The following ERC1 variants were observed in gnomAD, a reference collection of about 807,000 sequenced individuals.
ERC1 encodes the protein RAB6 interacting protein 2.
ERC1 carries 56 observed loss-of-function variants against 132.0 expected under a neutral mutation model. The ratio of observed to expected loss-of-function variants is 0.42; its 90% CI spans 0.34 to 0.53. ERC1 has a LOEUF of 0.53. ERC1 is among the 20% of genes least tolerant of loss of function. The pLI is 0.03. For synonymous variants in ERC1, 478 were observed against 476.1 expected, an observed-to-expected ratio of 1.00 and a Z score of -0.05; for missense variants, 1,202 against 1,349.9, an observed-to-expected ratio of 0.89 and a Z score of 1.72.
chr12:1,223,331 C>T (rs1402443474), intron 12 of ERC1, among the ~76,000 whole-genome samples: 1 of 152,168 alleles, frequency 6.6e-6, no homozygotes, highest in Non-Finnish European at 1.5e-5. Context: ...CTTAGAGCAG[C>T]AATAACAAAG....
At chr12:1,045,662 C>A (rs1367827378) in intron 2 of ERC1, among the ~76,000 whole-genome samples, 9 of 152,082 alleles carry the variant, frequency 5.9e-5, no homozygotes, top group African/African-American at 9.7e-5. Context: ...AGATATTGGT[C>A]CGTCTGGCTA....
At chr12:1,050,758 C>T (rs972322180) in intron 2 of ERC1, among the ~76,000 whole-genome samples, 11 of 152,120 alleles carry the variant, frequency 7.2e-5, no homozygotes, top group Non-Finnish European at 1.2e-4. Context: ...TCAGGCCGAG[C>T]ACTTTGGGAG....
chr12:1,042,107 C>T (rs533960754), intron 2 of ERC1, among the ~76,000 whole-genome samples: 1 of 151,962 alleles, frequency 6.6e-6, no homozygotes, highest in African/African-American at 2.4e-5. Flanking sequence ...GTGTGATCTC[C>T]GCTCATTGCA....
Position 1,194,428 on chromosome 12 carries a change from G to A in ERC1, c.2351+4376G>A, listed in dbSNP as rs192394836. ...AGAGCGAGACTCTGTCTCAAAAAAT[G>A]AATAAAATAAAATAAAATAAATTAA... On this transcript the variant is annotated intron_variant, in intron 12 of 18. Coordinates refer to ENST00000360905, the MANE Select transcript of ERC1 (RefSeq NM_178040.4). Among the ~76,000 whole-genome samples the A allele has an allele frequency of 2.6e-5, 4 of 151,914 alleles. No homozygotes were observed. The East Asian group carries it at 7.8e-4, about 29-fold the overall frequency.
chr12:1,049,747 C>CTTT (rs35361881), intron 2 of ERC1, among the ~76,000 whole-genome samples: 15 of 112,990 alleles, frequency 1.3e-4, no homozygotes, highest in South Asian at 3.0e-4. Flanking sequence ...GTTTTGTGAT[C>CTTT]TTTTTTTTTT....
rs147630395 is a variant in ERC1, at chr12:1,434,171, G to A, written c.3025-10391G>A. Among the ~76,000 whole-genome samples, 251 of 152,024 alleles carry A rather than the reference G, an allele frequency of 1.7e-3. 2 individuals carry two copies. The highest frequency in any genetic ancestry group is 5.7e-3 in the African/African-American group (237 of 41,440). On this transcript the variant is annotated intron_variant, in intron 17 of 18. Coordinates refer to ENST00000360905, the MANE Select transcript of ERC1 (RefSeq NM_178040.4). ...TCTGTTTCTTATTTTCTAAACACCC[G>A]TAATATATTAGATTCTCTGATTATA...
intron 18 of ERC1, among the ~76,000 whole-genome samples, chr12:1,481,252 TTGTG>T (rs150804230): frequency 0.021 from 3,128 of 152,286 alleles, 109 homozygotes; most frequent in African/African-American, 0.07. Flanking sequence ...TATAAGGAGG[TTGTG>T]AATAATCCAT....
At chr12:1,158,134 C>T (rs1022457440) in intron 8 of ERC1, among the ~76,000 whole-genome samples, 2 of 152,134 alleles carry the variant, frequency 1.3e-5, no homozygotes, top group African/African-American at 2.4e-5. Flanking sequence ...TATTTTAAAA[C>T]TTTCTGTGTC....
intron 16 of ERC1, among the ~76,000 whole-genome samples, chr12:1,374,713 A>G (rs2087665109): frequency 6.6e-6 from 1 of 151,920 alleles, no homozygotes; most frequent in African/African-American, 2.4e-5. Context: ...TCACCTCCAG[A>G]ATTTTACAAC....
At chr12:997,981 C>CGTCA (rs1361713238) in intron 1 of ERC1, among the ~76,000 whole-genome samples, 7 of 152,164 alleles carry the variant, frequency 4.6e-5, no homozygotes, top group Non-Finnish European at 8.8e-5. Context: ...ACCCTATTGG[C>CGTCA]TTGTTATCAT....
chr12:1,370,956 A>G (rs530166328), intron 15 of ERC1, among the ~76,000 whole-genome samples: 2 of 152,198 alleles, frequency 1.3e-5, no homozygotes, highest in Non-Finnish European at 2.9e-5. Flanking sequence ...CAAGTGATCC[A>G]CCCACCTCAG....
intron 15 of ERC1, among the ~76,000 whole-genome samples, chr12:1,305,180 G>A: frequency 6.6e-6 from 1 of 152,230 alleles, no homozygotes. Context: ...TCAGAGCAGC[G>A]TCCAGGTTCT....
At chr12:1,331,177 C>A (rs1250207824) in intron 15 of ERC1, among the ~76,000 whole-genome samples, 1 of 152,212 alleles carries the variant, frequency 6.6e-6, no homozygotes, top group East Asian at 1.9e-4. Context: ...AGTAACACCT[C>A]CCTTGAGTAA....
chr12:1,447,804 C>T (rs1169522290), intron 18 of ERC1, among the ~76,000 whole-genome samples: 23 of 151,916 alleles, frequency 1.5e-4, no homozygotes, highest in Admixed American at 1.2e-3. Flanking sequence ...CGCGCGCCAC[C>T]GTGCCCAGCT....
intron 16 of ERC1, among the ~76,000 whole-genome samples, chr12:1,388,345 CAA>C (rs34634557): frequency 0.15 from 12,966 of 84,676 alleles, 828 homozygotes; most frequent in African/African-American, 0.31. Context: ...GACTCTGTCT[CAA>C]AAAAAAAAAA....
chr12:1,367,063 A>T (rs145756374), intron 15 of ERC1, among the ~76,000 whole-genome samples: 43 of 152,296 alleles, frequency 2.8e-4, no homozygotes, highest in African/African-American at 9.9e-4. Context: ...TCTGCAAGGG[A>T]AGTTGAAGAA....
At chr12:1,014,007 C>A (rs1278725844) in intron 1 of ERC1, among the ~76,000 whole-genome samples, 2 of 148,830 alleles carry the variant, frequency 1.3e-5, no homozygotes, top group African/African-American at 4.8e-5. Flanking sequence ...TAGGCATAAG[C>A]CATGTGCCTG....
At position 1,181,978 on chromosome 12, in the gene ERC1, G is replaced by A; in HGVS notation, c.1929G>A (p.Lys643=). Residue 643 remains lysine, a synonymous_variant, in exon 10 of 19, where the codon AAG becomes AAA. Coordinates refer to ENST00000360905, the MANE Select transcript of ERC1 (RefSeq NM_178040.4). Reference sequence around the variant, plus strand: ...AGAGGGACAGAGATGAGCGAGAGAAGCAAGAGGAAATTGATAACTACAAAA... The same window carrying A: ...AGAGGGACAGAGATGAGCGAGAGAAACAAGAGGAAATTGATAACTACAAAA... ...KEQRDRDERE[K]QEEIDNYKKD... 1 of 1,614,036 alleles carries A rather than the reference G, an allele frequency of 6.2e-7. No homozygotes were observed. The highest frequency in any genetic ancestry group is 8.5e-7 in the Non-Finnish European group (1 of 1,179,956).
At chr12:1,432,002 C>G (rs2092810648) in intron 17 of ERC1, among the ~76,000 whole-genome samples, 1 of 152,180 alleles carries the variant, frequency 6.6e-6, no homozygotes, top group African/African-American at 2.4e-5. Flanking sequence ...CCTCAGCCTC[C>G]TGAGTAACTG....
Sources: gnomAD v4.1 joint callset for allele counts (sites outside exome capture counted in the v4.1 genomes callset) on GRCh38, gnomAD v4.1.1 for gene constraint, MANE v1.5 for transcripts, NCBI Gene and HGNC (gene_info 2026-07-23, HGNC 2026-07-21) for gene names.